Variants in NDFIP2 observed in about 807,000 individuals in gnomAD.
NDFIP2 encodes the protein Nedd4 family interacting protein 2, also known as NEDD4 family-interacting protein 2.
A neutral mutation model predicts 36.0 loss-of-function variants in NDFIP2; 19 were observed. That is an observed-to-expected ratio of 0.53 (90% CI 0.37 to 0.77). The LOEUF (loss-of-function observed/expected upper bound fraction) is 0.77, where lower values mean the gene tolerates loss of function less well. Ranked by LOEUF, NDFIP2 falls within the 30% of genes least tolerant of loss-of-function variation. NDFIP2 has a pLI of 0.00. For synonymous variants in NDFIP2, 181 were observed against 167.7 expected, an observed-to-expected ratio of 1.08 and a Z score of -0.61; for missense variants, 446 against 435.8, an observed-to-expected ratio of 1.02 and a Z score of -0.21.
chr13:79,532,068 T>C (rs2137099513), intron 2 of NDFIP2, among the ~76,000 whole-genome samples: 1 of 152,304 alleles, frequency 6.6e-6, no homozygotes, highest in East Asian at 1.9e-4. Context: ...TGGGCACAGT[T>C]TGTGGTGCCC....
At chr13:79,483,281 T>C (rs1038823006) in intron 1 of NDFIP2, among the ~76,000 whole-genome samples, 1 of 152,094 alleles carries the variant, frequency 6.6e-6, no homozygotes, top group Non-Finnish European at 1.5e-5. Context: ...ACAACTAACA[T>C]TGTAAGGCAA....
intron 1 of NDFIP2, among the ~76,000 whole-genome samples, chr13:79,501,223 T>C (rs1457347560): frequency 1.3e-5 from 2 of 152,076 alleles, no homozygotes; most frequent in African/African-American, 2.4e-5. Context: ...GTACTCTGTA[T>C]GATACTGTAA....
chr13:79,504,694 G>A (rs1448753010), intron 1 of NDFIP2, among the ~76,000 whole-genome samples: 1 of 149,638 alleles, frequency 6.7e-6, no homozygotes, highest in Non-Finnish European at 1.5e-5. Flanking sequence ...CAGTTATTTT[G>A]TAGCTCTGTT....
chr13:79,538,139 GA>G (rs1421948331), intron 3 of NDFIP2, among the ~76,000 whole-genome samples: 2 of 152,122 alleles, frequency 1.3e-5, no homozygotes, highest in African/African-American at 4.8e-5. Context: ...CAGCGCCCAG[GA>G]AAATGATGTG....
rs1422905652 is a variant in NDFIP2 at position 79,481,290 on chromosome 13, A to T, written c.87A>T (p.Gly29=). ...SARGAPELLR[G]TATNAEVSAA... ...GCGGCGCCCCGGAGCTTCTCCGCGG[A>T]ACCGCGACCAACGCGGAGGTCTCGG... The change falls in exon 1 of 8, where the codon GGA becomes GGT. Residue 29 remains glycine, a synonymous_variant. Transcript: ENST00000218652. 3.5e-5 allele frequency: 54 copies of T among 1,539,360 alleles called. No individual in the cohort carries two copies. The highest frequency in any genetic ancestry group is 4.3e-5 in the Non-Finnish European group (49 of 1,146,280).
At chr13:79,531,043 A>G (rs1178425754) in intron 2 of NDFIP2, among the ~76,000 whole-genome samples, 2 of 152,210 alleles carry the variant, frequency 1.3e-5, no homozygotes, top group Admixed American at 1.3e-4. Flanking sequence ...CTCTAAAATC[A>G]TAAGACTTGA....
chr13:79,536,444 G>GA (rs1875241217), intron 3 of NDFIP2, among the ~76,000 whole-genome samples: 1 of 152,146 alleles, frequency 6.6e-6, no homozygotes, highest in Admixed American at 6.5e-5. Context: ...GCCAATGTGG[G>GA]AAAATAGAAA....
intron 4 of NDFIP2, among the ~76,000 whole-genome samples, chr13:79,540,074 A>G (rs951626674): frequency 9.8e-5 from 15 of 152,364 alleles, no homozygotes; most frequent in Middle Eastern, 3.4e-3. Flanking sequence ...ATACTGCTAT[A>G]TTGGTGCCCA....
intron 1 of NDFIP2, among the ~76,000 whole-genome samples, chr13:79,503,219 C>G (rs1873733976): frequency 6.6e-6 from 1 of 152,092 alleles, no homozygotes; most frequent in Non-Finnish European, 1.5e-5. Flanking sequence ...GAACACCTGC[C>G]ATGGTGTCAG....
Position 79,507,298 on chromosome 13 carries a change from G to T in NDFIP2, c.322-13512G>T, listed in dbSNP as rs1486965042. 1.2e-4 allele frequency among the ~76,000 whole-genome samples: 2 copies of T among 16,586 alleles called. 1 individual carries two copies. The highest frequency in any genetic ancestry group is 1.7e-4 in the Non-Finnish European group (2 of 11,734). The allele number at this position is 16,586 out of a possible 152,430, so 10.9% of individuals were successfully genotyped here. A position where few individuals can be genotyped will look rare whatever the true frequency, so the allele number is the denominator to read the frequency against. On this transcript the variant is annotated intron_variant, in intron 1 of 7. Coordinates refer to ENST00000218652, the MANE Select transcript of NDFIP2 (RefSeq NM_019080.3). Reference sequence around the variant, plus strand: ...TTTTTTTTTTTTTTTTTTTGAGACGGAGTCTCGCTCTGTCGCCCAGGCTGG... The same window carrying T: ...TTTTTTTTTTTTTTTTTTTGAGACGTAGTCTCGCTCTGTCGCCCAGGCTGG...
At chr13:79,497,343 G>A (rs1013711239) in intron 1 of NDFIP2, among the ~76,000 whole-genome samples, 2 of 151,854 alleles carry the variant, frequency 1.3e-5, no homozygotes, top group Non-Finnish European at 2.9e-5. Flanking sequence ...TGCTTCCTCT[G>A]GCTAGAATAG....
At position 79,540,881 on chromosome 13, in the gene NDFIP2, A is replaced by G. The variant is rs931339540; in HGVS notation, c.715+1106A>G. On this transcript the variant is annotated intron_variant, in intron 4 of 7. Transcript: ENST00000218652. ...AATGTATATGCAAGATTTAAATCTTAAATTGGTTTTAGTTACAATTTCTAG... is the reference window on the plus strand; with the variant it reads ...AATGTATATGCAAGATTTAAATCTTGAATTGGTTTTAGTTACAATTTCTAG... Among the ~76,000 whole-genome samples, 4 of 152,328 alleles carry G rather than the reference A, an allele frequency of 2.6e-5. 1 individual carries two copies. Among genetic ancestry groups the G allele is most frequent in the Admixed American group, 2.6e-4 (4 of 15,300 alleles).
At chr13:79,512,522 G>A (rs778238029) in intron 1 of NDFIP2, among the ~76,000 whole-genome samples, 40 of 152,094 alleles carry the variant, frequency 2.6e-4, no homozygotes, top group Non-Finnish European at 4.6e-4. Context: ...TGTCTCCCCA[G>A]TTTAGGTTCT....
intron 1 of NDFIP2, among the ~76,000 whole-genome samples, chr13:79,484,945 C>T (rs7990344): frequency 0.41 from 62,006 of 152,022 alleles, 13,470 homozygotes; most frequent in East Asian, 0.7. Flanking sequence ...CATGTAAAGA[C>T]TGGTACATGA....
At chr13:79,547,034 A>G (rs1056934970) in intron 5 of NDFIP2, among the ~76,000 whole-genome samples, 7 of 151,928 alleles carry the variant, frequency 4.6e-5, no homozygotes, top group Non-Finnish European at 4.4e-5. Flanking sequence ...AATCTCTGAA[A>G]TTACTATAAA....
At chr13:79,540,229 G>A (rs189869747) in intron 4 of NDFIP2, among the ~76,000 whole-genome samples, 2 of 152,296 alleles carry the variant, frequency 1.3e-5, no homozygotes, top group East Asian at 3.9e-4. Context: ...GGGACAGACA[G>A]TTATGAAAGT....
chr13:79,551,733 A>T (rs536722064), intron 7 of NDFIP2, among the ~76,000 whole-genome samples: 1 of 151,630 alleles, frequency 6.6e-6, no homozygotes, highest in Non-Finnish European at 1.5e-5. Flanking sequence ...CTTACTGGTT[A>T]TCCAGTGAAT....
At chr13:79,487,210 C>G (rs1873035890) in intron 1 of NDFIP2, among the ~76,000 whole-genome samples, 1 of 152,100 alleles carries the variant, frequency 6.6e-6, no homozygotes, top group African/African-American at 2.4e-5. Context: ...AATTCATACC[C>G]CCCAGGTGAC....
At chr13:79,518,439 C>G (rs1874434857) in intron 1 of NDFIP2, among the ~76,000 whole-genome samples, 2 of 152,114 alleles carry the variant, frequency 1.3e-5, no homozygotes, top group Non-Finnish European at 2.9e-5. Flanking sequence ...AAATGTTTTG[C>G]TAGTGTGATC....
Sources: allele counts gnomAD v4.1 joint callset (sites outside exome capture counted in the v4.1 genomes callset), GRCh38; gene constraint gnomAD v4.1.1; transcripts MANE v1.5; gene names NCBI Gene and HGNC (gene_info 2026-07-23, HGNC 2026-07-21).